NFATC3: variants seen among roughly 807,000 people sequenced by gnomAD.
NFATC3 encodes nuclear factor of activated T-cells, cytoplasmic 3.
Under a neutral mutation model 98.6 loss-of-function variants are expected in NFATC3, and 46 were observed. That is an observed-to-expected ratio of 0.47 (90% CI 0.37 to 0.60). The LOEUF is 0.60. NFATC3 is among the 20% of genes least tolerant of loss of function. The probability of loss-of-function intolerance (pLI) is 0.00; values close to 1 mark genes in which losing one functional copy is unlikely to be tolerated. For synonymous variants in NFATC3, 512 were observed against 472.2 expected (o/e 1.08, Z -1.09); for missense variants, 1,256 against 1,295.5 (o/e 0.97, Z 0.47).
chr16:68,120,645 A>G (rs777781443), intron 1 of NFATC3, among the ~76,000 whole-genome samples: 56 of 151,348 alleles, frequency 3.7e-4, no homozygotes, highest in Non-Finnish European at 7.7e-4. Context: ...CAGGAGACTG[A>G]GACAGGAGGC....
rs2042075273 is a variant in NFATC3, at chr16:68,228,332, G to GGC, written c.*1862_*1863dup. The GGC allele has an allele frequency of 6.6e-6, 1 of 152,078 alleles. No individual in the cohort carries two copies. Among genetic ancestry groups the GGC allele is most frequent in the South Asian group, 2.1e-4 (1 of 4,816 alleles). 9.4% of individuals were successfully genotyped at this position (152,078 alleles called of 1,614,324 possible). ...GGACGCCCACAGCTTCCTTTGGAGG[G>GGC]GCAAGAAGTTGGCCTCTCGGTTGAC... On this transcript the variant is annotated 3_prime_UTR_variant, in exon 10 of 10. Transcript: ENST00000346183.
At chr16:68,145,263 T>C (rs959070571) in intron 3 of NFATC3, among the ~76,000 whole-genome samples, 3 of 151,948 alleles carry the variant, frequency 2.0e-5, no homozygotes, top group African/African-American at 7.2e-5. Flanking sequence ...CCAATCTCAG[T>C]CTTCCTAGTA....
intron 3 of NFATC3, among the ~76,000 whole-genome samples, chr16:68,130,555 C>T (rs762115946): frequency 5.3e-5 from 8 of 152,062 alleles, no homozygotes; most frequent in Non-Finnish European, 1.2e-4. Context: ...TAGTATTAAT[C>T]CTTTGTTGGA....
intron 1 of NFATC3, among the ~76,000 whole-genome samples, chr16:68,119,442 G>T (rs532182453): frequency 1.3e-5 from 2 of 151,842 alleles, no homozygotes; most frequent in African/African-American, 4.8e-5. Context: ...TTCCCATCTC[G>T]TAAGGCCTTA....
intron 3 of NFATC3, among the ~76,000 whole-genome samples, chr16:68,156,438 C>T (rs1280684675): frequency 1.3e-5 from 2 of 152,168 alleles, no homozygotes; most frequent in Non-Finnish European, 2.9e-5. Context: ...CAACAAAATG[C>T]TTAGCAACCA....
At chr16:68,170,919 G>A (rs2039429208) in intron 5 of NFATC3, among the ~76,000 whole-genome samples, 1 of 152,094 alleles carries the variant, frequency 6.6e-6, no homozygotes, top group Non-Finnish European at 1.5e-5. Flanking sequence ...TATCATAGAT[G>A]TTTTCTTCTG....
chr16:68,164,050 C>T (rs1408668489), intron 4 of NFATC3, among the ~76,000 whole-genome samples: 7 of 152,172 alleles, frequency 4.6e-5, no homozygotes, highest in East Asian at 3.9e-4. Context: ...CCAAGGCAGG[C>T]GGCTGGGAGG....
chr16:68,111,342 C>T (rs2035936701), intron 1 of NFATC3, among the ~76,000 whole-genome samples: 1 of 152,150 alleles, frequency 6.6e-6, no homozygotes, highest in South Asian at 2.1e-4. Context: ...ATAGTTAGCT[C>T]TTCTTGTTGA....
intron 9 of NFATC3, 113 bp from the exon 10 acceptor site, chr16:68,226,237 A>T: frequency 7.6e-7 from 1 of 1,318,274 alleles, no homozygotes; most frequent in Non-Finnish European, 1.0e-6. Flanking sequence ...CACTGCCTTT[A>T]TCTTTACAGA....
intron 1 of NFATC3, among the ~76,000 whole-genome samples, chr16:68,091,261 T>C (rs113010547): frequency 9.8e-5 from 15 of 152,314 alleles, no homozygotes; most frequent in African/African-American, 3.6e-4. Context: ...GGGGGTTAAG[T>C]AAGGCCTGTA....
chr16:68,205,894 A>G (rs892488894), intron 9 of NFATC3, among the ~76,000 whole-genome samples: 5 of 150,956 alleles, frequency 3.3e-5, no homozygotes, highest in Admixed American at 2.0e-4. Flanking sequence ...TTGCACCACT[A>G]TCTTTTTTTC....
intron 9 of NFATC3, among the ~76,000 whole-genome samples, chr16:68,195,694 G>A (rs559145590): frequency 6.6e-6 from 1 of 152,062 alleles, no homozygotes; most frequent in African/African-American, 2.4e-5. Context: ...TGTAGTCCCA[G>A]CTACTTGGGA....
chr16:68,111,593 A>G (rs941301651), intron 1 of NFATC3, among the ~76,000 whole-genome samples: 1 of 152,116 alleles, frequency 6.6e-6, no homozygotes, highest in African/African-American at 2.4e-5. Context: ...CATTTTGTGT[A>G]TTTTAATTGG....
chr16:68,206,242 T>G (rs1452094693), intron 9 of NFATC3, among the ~76,000 whole-genome samples: 1 of 152,252 alleles, frequency 6.6e-6, no homozygotes, highest in Non-Finnish European at 1.5e-5. Flanking sequence ...ATCCAAAGTT[T>G]GTTTAAAATT....
intron 8 of NFATC3, among the ~76,000 whole-genome samples, chr16:68,184,445 C>G (rs770357275): frequency 1.3e-5 from 2 of 152,030 alleles, no homozygotes; most frequent in African/African-American, 4.8e-5. Flanking sequence ...ATGAAGTGTC[C>G]TGTTGTGGAG....
At chr16:68,221,177 C>T (rs765218221) in intron 9 of NFATC3, 4 of 1,612,172 alleles carry the variant, frequency 2.5e-6, no homozygotes, top group East Asian at 2.2e-5. Flanking sequence ...TAATGACTTA[C>T]ATTTACATTA....
At chr16:68,096,946 ACT>A (rs757872012) in intron 1 of NFATC3, among the ~76,000 whole-genome samples, 12 of 152,180 alleles carry the variant, frequency 7.9e-5, no homozygotes, top group Non-Finnish European at 1.5e-5. Flanking sequence ...TAGCTCCATC[ACT>A]CTACTATACT....
chr16:68,104,430 G>T (rs1008949726), intron 1 of NFATC3, among the ~76,000 whole-genome samples: 9 of 152,018 alleles, frequency 5.9e-5, no homozygotes, highest in Non-Finnish European at 8.8e-5. Flanking sequence ...TAGAACTTAT[G>T]GGTTTTACTT....
chr16:68,203,748 G>A (rs916006386), intron 9 of NFATC3, among the ~76,000 whole-genome samples: 4 of 151,978 alleles, frequency 2.6e-5, no homozygotes, highest in Non-Finnish European at 5.9e-5. Flanking sequence ...CCCTCAAAAT[G>A]TGTATTTAAA....
Sources: allele counts gnomAD v4.1 joint callset (sites outside exome capture counted in the v4.1 genomes callset), GRCh38; gene constraint gnomAD v4.1.1; transcripts MANE v1.5; gene names NCBI Gene and HGNC (gene_info 2026-07-23, HGNC 2026-07-21).